Variants in CSMD1 observed in about 807,000 individuals in gnomAD.
CSMD1 encodes CUB and sushi domain-containing protein 1.
Under a neutral mutation model 417.5 loss-of-function variants are expected in CSMD1, and 213 were observed. The ratio of observed to expected loss-of-function variants is 0.51; its 90% confidence interval spans 0.46 to 0.57. The LOEUF (loss-of-function observed/expected upper bound fraction) is 0.57. Among genes scored for constraint, CSMD1 ranks in the 20% least tolerant of loss-of-function variants. The probability of loss-of-function intolerance (pLI) is 0.00; values close to 1 mark genes in which losing one functional copy is unlikely to be tolerated. For missense variants in CSMD1, 6,923 were observed against 4,529.7 expected, an observed-to-expected ratio of 1.53 and a Z score of -15.17; for synonymous variants, 2,862 against 1,736.8, an observed-to-expected ratio of 1.65 and a Z score of -16.11.
chr8:4,574,721 A>G (rs990679287), intron 2 of CSMD1, among the ~76,000 whole-genome samples: 1 of 152,174 alleles, frequency 6.6e-6, no homozygotes, highest in Non-Finnish European at 1.5e-5. Flanking sequence ...TTCAAAACTA[A>G]CCATAGACAC....
intron 7 of CSMD1, among the ~76,000 whole-genome samples, chr8:3,700,094 G>T (rs542663034): frequency 1.6e-4 from 25 of 152,246 alleles, no homozygotes; most frequent in African/African-American, 5.3e-4. Context: ...AAAGGGCTCT[G>T]TGGACGTTGG....
chr8:4,953,565 C>T (rs1250771893), intron 1 of CSMD1, among the ~76,000 whole-genome samples: 1 of 152,078 alleles, frequency 6.6e-6, no homozygotes, highest in Non-Finnish European at 1.5e-5. Flanking sequence ...TTGTTTCTCA[C>T]TGTTGAGAAA....
intron 49 of CSMD1, among the ~76,000 whole-genome samples, chr8:3,063,066 C>G (rs929018276): frequency 2.6e-5 from 4 of 151,962 alleles, no homozygotes; most frequent in African/African-American, 7.3e-5. Flanking sequence ...CTATGGAACC[C>G]AAGAGTCCCA....
intron 3 of CSMD1, among the ~76,000 whole-genome samples, chr8:4,062,234 A>G (rs907457890): frequency 3.3e-5 from 5 of 152,124 alleles, no homozygotes; most frequent in Non-Finnish European, 7.3e-5. Flanking sequence ...ACACAAGTCT[A>G]ATTTCCTCAG....
At chr8:3,963,129 A>T (rs1370757565) in intron 5 of CSMD1, among the ~76,000 whole-genome samples, 2 of 152,062 alleles carry the variant, frequency 1.3e-5, no homozygotes, top group Admixed American at 6.6e-5. Flanking sequence ...ACGGGGTTTT[A>T]CCATGTTGGC....
In CSMD1 at chr8:4,097,191, C is replaced by G. The variant is rs140887539; in HGVS notation, c.416-65092G>C. On this transcript the variant is annotated intron_variant, in intron 3 of 69. Transcript: ENST00000635120. ...ATTATATATGCTCAATAAGCAATTG[C>G]TGATTGAATGAATCAAGTAGCTTGG... is the stretch of plus-strand genomic sequence containing the variant. Among the ~76,000 whole-genome samples the G allele has an allele frequency of 2.2e-3, 332 of 152,220 alleles. 1 individual carries two copies. The highest frequency in any genetic ancestry group is 3.5e-3 in the Non-Finnish European group (240 of 68,010).
intron 1 of CSMD1, among the ~76,000 whole-genome samples, chr8:4,919,525 G>A (rs1359711110): frequency 6.6e-6 from 1 of 152,160 alleles, no homozygotes; most frequent in African/African-American, 2.4e-5. Flanking sequence ...GCAGAAGTTT[G>A]CATTAGTTCC....
chr8:3,128,554 G>A (rs142355367), intron 41 of CSMD1: 298 of 265,402 alleles, frequency 1.1e-3, no homozygotes, highest in African/African-American at 6.2e-3. Flanking sequence ...TAAATCTCAA[G>A]TAGAACCTAG....
intron 1 of CSMD1, among the ~76,000 whole-genome samples, chr8:4,863,517 A>T (rs1329348482): frequency 6.6e-6 from 1 of 152,084 alleles, no homozygotes; most frequent in Non-Finnish European, 1.5e-5. Flanking sequence ...ATTTTAATGA[A>T]AAGGGTAACT....
At chr8:4,046,274 G>T (rs4875264) in intron 3 of CSMD1, among the ~76,000 whole-genome samples, 12,571 of 152,000 alleles carry the variant, frequency 0.083, 735 homozygotes, top group Middle Eastern at 0.17. Flanking sequence ...TTGAATTCTT[G>T]GCTGTTTCTC....
At chr8:4,596,298 C>G (rs1422897238) in intron 2 of CSMD1, among the ~76,000 whole-genome samples, 2 of 152,006 alleles carry the variant, frequency 1.3e-5, no homozygotes, top group African/African-American at 4.8e-5. Context: ...GATGCTTAAC[C>G]CAAGCTTCAA....
chr8:4,428,084 C>T (rs189724566), intron 2 of CSMD1, among the ~76,000 whole-genome samples: 1 of 152,174 alleles, frequency 6.6e-6, no homozygotes, highest in Non-Finnish European at 1.5e-5. Flanking sequence ...TCATATCAGA[C>T]AATATCAAGA....
chr8:3,620,344 G>C (rs1028886115), intron 7 of CSMD1, among the ~76,000 whole-genome samples: 1 of 151,158 alleles, frequency 6.6e-6, no homozygotes, highest in South Asian at 2.1e-4. Context: ...GAAAAGAAAA[G>C]GGTCCCTAGT....
At chr8:3,314,260 AAAAT>A (rs544476805) in intron 23 of CSMD1, among the ~76,000 whole-genome samples, 62 of 152,318 alleles carry the variant, frequency 4.1e-4, no homozygotes, top group Admixed American at 1.7e-3. Flanking sequence ...AAAAAAATAA[AAAAT>A]AAATCTCAAG....
At chr8:3,362,627 A>G (rs1349327222) in intron 20 of CSMD1, among the ~76,000 whole-genome samples, 3 of 152,176 alleles carry the variant, frequency 2.0e-5, no homozygotes, top group African/African-American at 4.8e-5. Flanking sequence ...ATATGAACTG[A>G]AGACTCTTGT....
At chr8:3,596,370 C>T (rs1801095467) in intron 8 of CSMD1, among the ~76,000 whole-genome samples, 1 of 152,180 alleles carries the variant, frequency 6.6e-6, no homozygotes, top group Non-Finnish European at 1.5e-5. Context: ...TTACTAACCA[C>T]TCAGGTCAGG....
chr8:4,110,900 CAT>C (rs1801817720), intron 3 of CSMD1, among the ~76,000 whole-genome samples: 1 of 152,126 alleles, frequency 6.6e-6, no homozygotes, highest in Admixed American at 6.5e-5. Context: ...TGTCAAAAGA[CAT>C]AAAGTGAGAC....
intron 5 of CSMD1, among the ~76,000 whole-genome samples, chr8:3,933,993 G>A (rs1270332468): frequency 6.6e-6 from 1 of 152,102 alleles, no homozygotes; most frequent in African/African-American, 2.4e-5. Context: ...GCAAACCCAT[G>A]GCAAATATTC....
At chr8:4,836,056 C>G (rs1800458105) in intron 1 of CSMD1, among the ~76,000 whole-genome samples, 1 of 152,064 alleles carries the variant, frequency 6.6e-6, no homozygotes, top group South Asian at 2.1e-4. Context: ...AACGAGTTCA[C>G]AGTTTAGAAT....
Sources: gnomAD v4.1 joint callset for allele counts (sites outside exome capture counted in the v4.1 genomes callset) on GRCh38, gnomAD v4.1.1 for gene constraint, MANE v1.5 for transcripts, NCBI Gene and HGNC (gene_info 2026-07-23, HGNC 2026-07-21) for gene names.